NFATC3: variants seen among roughly 807,000 people sequenced by gnomAD.
NFATC3 encodes nuclear factor of activated T cells 3.
NFATC3 carries 46 observed loss-of-function variants against 98.6 expected under a neutral mutation model. The observed-to-expected ratio is 0.47, with a 90% CI of 0.37 to 0.60. The LOEUF is 0.60. NFATC3 is among the 20% of genes least tolerant of loss of function. NFATC3 has a pLI of 0.00. For synonymous variants in NFATC3, 512 were observed against 472.2 expected (o/e 1.08, Z -1.09); for missense variants, 1,256 against 1,295.5 (o/e 0.97, Z 0.47).
intron 9 of NFATC3, among the ~76,000 whole-genome samples, chr16:68,207,470 A>C (rs1598597421): frequency 6.6e-6 from 1 of 151,936 alleles, no homozygotes; most frequent in African/African-American, 2.4e-5. Context: ...TTCTGTGTTC[A>C]ACTTTCTTTT....
intron 1 of NFATC3, among the ~76,000 whole-genome samples, chr16:68,116,805 CTT>C (rs796720628): frequency 1.4e-5 from 2 of 143,208 alleles, no homozygotes; most frequent in Non-Finnish European, 1.5e-5. Context: ...ACTTTCTGTC[CTT>C]TTTTTTTTTT....
intron 8 of NFATC3, among the ~76,000 whole-genome samples, chr16:68,187,118 G>A (rs545214773): frequency 1.6e-4 from 24 of 152,336 alleles, no homozygotes; most frequent in African/African-American, 4.3e-4. Context: ...AGCCAGGCAC[G>A]CTGGCTATGG....
intron 3 of NFATC3, among the ~76,000 whole-genome samples, chr16:68,147,114 C>T (rs975091492): frequency 6.6e-6 from 1 of 152,140 alleles, no homozygotes. Context: ...TTACCTTCCC[C>T]CAACATCAGT....
chr16:68,219,582 T>G (rs1196509695), intron 9 of NFATC3, among the ~76,000 whole-genome samples: 3 of 151,278 alleles, frequency 2.0e-5, no homozygotes, highest in African/African-American at 7.3e-5. Flanking sequence ...ATAATAATAG[T>G]AATAATAATA....
chr16:68,106,160 G>A (rs867627417), intron 1 of NFATC3, among the ~76,000 whole-genome samples: 12 of 151,792 alleles, frequency 7.9e-5, no homozygotes, highest in African/African-American at 1.2e-4. Context: ...GTGAGCCGCC[G>A]CACCCGATCC....
Position 68,186,682 on chromosome 16 carries a change from A to G in NFATC3, c.2098+3316A>G, listed in dbSNP as rs377144628. ...AAATGGAAATGGGACTAGCCCATAT[A>G]TAGTTTTGTAACTGAACACTTTAAT... On this transcript the variant is annotated intron_variant, in intron 8 of 9. Coordinates refer to ENST00000346183, the MANE Select transcript of NFATC3 (RefSeq NM_173165.3). Among the ~76,000 whole-genome samples, 11 of 152,374 alleles carry G rather than the reference A, an allele frequency of 7.2e-5. No individual in the cohort carries two copies. The South Asian group carries it at 2.3e-3, about 32-fold the overall frequency.
intron 1 of NFATC3, among the ~76,000 whole-genome samples, chr16:68,100,091 A>AAAC (rs1407488968): frequency 2.0e-5 from 3 of 152,192 alleles, no homozygotes; most frequent in Non-Finnish European, 4.4e-5. Context: ...CATCATATGG[A>AAAC]TGTACTACAG....
chr16:68,211,340 A>T (rs1041279473), intron 9 of NFATC3, among the ~76,000 whole-genome samples: 15 of 150,530 alleles, frequency 1.0e-4, no homozygotes, highest in African/African-American at 3.7e-4. Context: ...GGCACTCACC[A>T]CTATGCCCAG....
intron 9 of NFATC3, among the ~76,000 whole-genome samples, chr16:68,198,137 T>G (rs2040751266): frequency 6.6e-6 from 1 of 151,952 alleles, no homozygotes; most frequent in South Asian, 2.1e-4. Flanking sequence ...CTGGACAACA[T>G]GGCAAAACCC....
At chr16:68,216,114 G>A (rs2041628857) in intron 9 of NFATC3, among the ~76,000 whole-genome samples, 1 of 152,122 alleles carries the variant, frequency 6.6e-6, no homozygotes, top group Non-Finnish European at 1.5e-5. Flanking sequence ...GATGCCGCAA[G>A]GTGTTGAAGA....
rs150898006 is a variant in NFATC3, at chr16:68,088,219, T to C, written c.103+2435T>C. Among the ~76,000 whole-genome samples, 91 of 151,654 alleles carry C rather than the reference T, an allele frequency of 6.0e-4. No homozygotes were observed. In the East Asian group the frequency reaches 0.017, roughly 28 times the overall value. ...TTGCCGAACTTATTTTTGGATTCTC[T>C]TCCTCACTGGAATGGAAGTTCCTTG... On this transcript the variant is annotated intron_variant, in intron 1 of 9. Transcript: ENST00000346183.
At chr16:68,175,952 C>G (rs1384104821) in intron 6 of NFATC3, among the ~76,000 whole-genome samples, 2 of 152,140 alleles carry the variant, frequency 1.3e-5, no homozygotes, top group Non-Finnish European at 2.9e-5. Context: ...TCCCCCTTCT[C>G]AAATGGAACC....
At chr16:68,135,800 C>G (rs916655503) in intron 3 of NFATC3, among the ~76,000 whole-genome samples, 1 of 152,116 alleles carries the variant, frequency 6.6e-6, no homozygotes. Context: ...CGGTGGCTCA[C>G]GCCTGTAATC....
At chr16:68,194,546 G>A (rs2040580438) in intron 9 of NFATC3, among the ~76,000 whole-genome samples, 1 of 152,208 alleles carries the variant, frequency 6.6e-6, no homozygotes, top group Non-Finnish European at 1.5e-5. Context: ...CTTTAAAAAT[G>A]TTGCCTGTTT....
At chr16:68,152,058 C>T (rs2038354001) in intron 3 of NFATC3, among the ~76,000 whole-genome samples, 1 of 141,264 alleles carries the variant, frequency 7.1e-6, no homozygotes, top group South Asian at 2.3e-4. Context: ...AAGTGAGGCT[C>T]CGTTTCAAAA....
At chr16:68,163,610 C>T (rs541304089) in intron 4 of NFATC3, among the ~76,000 whole-genome samples, 2,147 of 148,670 alleles carry the variant, frequency 0.014, 59 homozygotes, top group African/African-American at 0.051. Flanking sequence ...CCAGACGGGG[C>T]GGCTGCCGGG....
chr16:68,146,364 G>A (rs1157577338), intron 3 of NFATC3, among the ~76,000 whole-genome samples: 1 of 151,354 alleles, frequency 6.6e-6, no homozygotes, highest in Non-Finnish European at 1.5e-5. Flanking sequence ...GAGCCCAGGA[G>A]TTTAAGGCCA....
chr16:68,220,098 G>A (rs894332313), intron 9 of NFATC3, among the ~76,000 whole-genome samples: 5 of 152,194 alleles, frequency 3.3e-5, no homozygotes, highest in African/African-American at 1.2e-4. Context: ...TTCAGGTGTT[G>A]GGGTAGTGGA....
Position 68,126,429 on chromosome 16 carries a change from TTGTG to T in NFATC3, c.1239-15_1239-12del. 3 of 1,597,248 alleles carry T rather than the reference TTGTG, an allele frequency of 1.9e-6. No individual in the cohort carries two copies. The highest frequency in any genetic ancestry group is 2.6e-6 in the Non-Finnish European group (3 of 1,167,878). ...AATAATAGCATGGTGACATGCATCT[TTGTG>T]TGTTTTGTTTGTAGCACATCTTCAT... On this transcript the variant is annotated splice_polypyrimidine_tract_variant and intron_variant, in intron 2 of 9. Coordinates refer to ENST00000346183, the MANE Select transcript of NFATC3 (RefSeq NM_173165.3).
Sources: allele counts gnomAD v4.1 joint callset (sites outside exome capture counted in the v4.1 genomes callset), GRCh38; gene constraint gnomAD v4.1.1; transcripts MANE v1.5; gene names NCBI Gene and HGNC (gene_info 2026-07-23, HGNC 2026-07-21).